Variants in LAMB3 observed in about 807,000 individuals in gnomAD.
LAMB3 encodes the protein laminin subunit beta-3.
Under a neutral mutation model 140.3 loss-of-function variants are expected in LAMB3, and 104 were observed. The observed-to-expected ratio is 0.74, with a 90% CI of 0.63 to 0.87. The LOEUF is 0.87. LAMB3 is among the 40% of genes least tolerant of loss of function. LAMB3 has a pLI of 0.00. For missense variants in LAMB3, 1,531 were observed against 1,575.2 expected, an observed-to-expected ratio of 0.97 and a Z score of 0.47; for synonymous variants, 592 against 602.9, an observed-to-expected ratio of 0.98 and a Z score of 0.26.
In LAMB3 at chr1:209,625,728, C is replaced by T. The variant is rs753621603; in HGVS notation, c.1896G>A (p.Glu632=). ...GGCTGCTGAGAACTGCTCGGATCTG[C>T]TCAATCTTACTCTTTGCATCTAGGA... The part of the protein sequence containing the change: ...SRILDAKSKI[E]QIRAVLSSPA... Residue 632 remains glutamate (E), a synonymous_variant, in exon 14 of 23, where the codon GAG becomes GAA. Coordinates refer to ENST00000356082, the MANE Select transcript of LAMB3 (RefSeq NM_000228.3). 1.2e-6 allele frequency: 2 copies of T among 1,614,158 alleles called. No individual in the cohort carries two copies. The highest frequency in any genetic ancestry group is 1.7e-6 in the Non-Finnish European group (2 of 1,180,026).
Position 209,626,979 on chromosome 1 carries a change from C to T in LAMB3, c.1486-1G>A, listed in dbSNP as rs1418276828. The T allele has an allele frequency of 1.2e-6, 2 of 1,606,134 alleles. No individual in the cohort carries two copies. Among genetic ancestry groups the T allele is most frequent in the Admixed American group, 3.3e-5 (2 of 59,840 alleles). ...CCCGACAGGGGCACTGCCCTGTGAACTGCGTGGGGAGAGCACCGTCAGTGG... is the reference window on the plus strand; with the variant it reads ...CCCGACAGGGGCACTGCCCTGTGAATTGCGTGGGGAGAGCACCGTCAGTGG... On this transcript the variant is annotated splice_acceptor_variant, in intron 12 of 22. Coordinates refer to ENST00000356082, the MANE Select transcript of LAMB3 (RefSeq NM_000228.3). LOFTEE classifies it high-confidence loss of function.
chr1:209,639,388 G>A (rs1173890080), intron 3 of LAMB3, among the ~76,000 whole-genome samples: 2 of 152,148 alleles, frequency 1.3e-5, no homozygotes, highest in African/African-American at 4.8e-5. Flanking sequence ...AGTGACATCT[G>A]GGGCGTGAGG....
intron 18 of LAMB3, among the ~76,000 whole-genome samples, chr1:209,620,631 G>A (rs1666154963): frequency 6.6e-6 from 1 of 152,246 alleles, no homozygotes; most frequent in Non-Finnish European, 1.5e-5. Flanking sequence ...CCACTGCCAA[G>A]CTAGATGCCT....
chr1:209,618,372 C>A, intron 19 of LAMB3, 80 bp downstream of exon 19: 1 of 1,401,210 alleles, frequency 7.1e-7, no homozygotes, highest in Non-Finnish European at 9.9e-7. Context: ...CCCTCTGTAC[C>A]CCTCTCCCAG....
rs2076355 is a variant in LAMB3, at chr1:209,638,484, A to T, written c.298+50T>A. On this transcript the variant is annotated intron_variant, in intron 4 of 22. Coordinates refer to ENST00000356082, the MANE Select transcript of LAMB3 (RefSeq NM_000228.3). ...TTATAGGGCACCTTCCATCCGTCTT[A>T]TCCTGTGGAGGCTGTACAGTTTGAG... is the stretch of plus-strand genomic sequence containing the variant. The T allele has an allele frequency of 0.29, 362,906 of 1,231,534 alleles. 61,159 individuals carry two copies. Among genetic ancestry groups the T allele is most frequent in the East Asian group, 0.71 (30,810 of 43,320 alleles). 76.3% of individuals were successfully genotyped at this position (1,231,534 alleles called of 1,614,324 possible). A position where few individuals can be genotyped will look rare whatever the true frequency, so the allele number is the denominator to read the frequency against.
chr1:209,641,605 A>G (rs1422289858), intron 3 of LAMB3, among the ~76,000 whole-genome samples: 2 of 152,214 alleles, frequency 1.3e-5, no homozygotes, highest in Non-Finnish European at 2.9e-5. Flanking sequence ...GCGAGCCCCA[A>G]GGCCCCAAGA....
intron 3 of LAMB3, among the ~76,000 whole-genome samples, chr1:209,646,510 T>A (rs547493637): frequency 3.3e-4 from 51 of 152,288 alleles, no homozygotes; most frequent in Non-Finnish European, 6.5e-4. Context: ...TCACCCCCAG[T>A]CTGGGGTGAC....
intron 14 of LAMB3, among the ~76,000 whole-genome samples, chr1:209,624,623 T>G (rs1666347947): frequency 6.6e-6 from 1 of 152,176 alleles, no homozygotes; most frequent in African/African-American, 2.4e-5. Context: ...CCTCCATGCC[T>G]GTGTTTCCAA....
chr1:209,629,818 C>T lies in LAMB3; in HGVS notation c.1051G>A (p.Glu351Lys), dbSNP rs114875539. The change falls in exon 10 of 23, where the codon GAA becomes AAA. Residue 351 changes from glutamate to lysine, a missense_variant. Physicochemically the swap from Glu to Lys is moderately conservative, Grantham distance 56. Coordinates refer to ENST00000356082, the MANE Select transcript of LAMB3 (RefSeq NM_000228.3). ...TGACACCGCTCACAGTTCTTGCCTT[C>T]GGTGTGGTCCCGGCAATTGTCACAC... ...GVCDNCRDHT[E>K]GKNCERCQLH... is the part of the protein sequence containing the mutation. 1.4e-3 allele frequency: 2,295 copies of T among 1,614,190 alleles called. 2 individuals carry two copies. The highest frequency in any genetic ancestry group is 1.8e-3 in the Non-Finnish European group (2,110 of 1,180,022).
chr1:209,647,249 A>C (rs958118080), intron 3 of LAMB3, among the ~76,000 whole-genome samples: 1 of 152,230 alleles, frequency 6.6e-6, no homozygotes, highest in Non-Finnish European at 1.5e-5. Flanking sequence ...TGGGTGGAGG[A>C]GGTAACATGC....
At chr1:209,648,852 A>C (rs1405907619) in intron 3 of LAMB3, among the ~76,000 whole-genome samples, 3 of 152,168 alleles carry the variant, frequency 2.0e-5, no homozygotes, top group Non-Finnish European at 4.4e-5. Flanking sequence ...GTTGCCTAAA[A>C]AAAAAAATTT....
intron 12 of LAMB3, 85 bp from the exon 13 acceptor site, chr1:209,627,063 G>T: frequency 9.8e-7 from 1 of 1,022,768 alleles, no homozygotes; most frequent in Non-Finnish European, 1.5e-6. Context: ...TAGATTCCTG[G>T]TCCACAGGTA....
In LAMB3 at chr1:209,627,292, C is replaced by CT. The variant is rs1471696873; in HGVS notation, c.1485+90dup. 5.4e-6 allele frequency: 6 copies of CT among 1,102,452 alleles called. No individual in the cohort carries two copies. In the Admixed American group the frequency reaches 1.2e-4, roughly 23 times the overall value. 68.3% of individuals were successfully genotyped at this position (1,102,452 alleles called of 1,614,324 possible). ...ACGCCCAGTCTGACAGGGGAGAGGC[C>CT]TAGAAGGGCAGCATGGAGGGGCAGC... On this transcript the variant is annotated intron_variant, in intron 12 of 22. Transcript: ENST00000356082.
In LAMB3 at chr1:209,616,727, G is replaced by A; in HGVS notation, c.3229-103C>T. ...CACCCAAATCAATACACAGTGGGAA[G>A]GTGCCTCCTATTAGCCCCCAATAGC... On this transcript the variant is annotated intron_variant, in intron 21 of 22. Coordinates refer to ENST00000356082, the MANE Select transcript of LAMB3 (RefSeq NM_000228.3). The A allele has an allele frequency of 2.6e-6, 3 of 1,163,112 alleles. No homozygotes were observed. In the South Asian group the frequency reaches 3.9e-5, roughly 15 times the overall value. 72.0% of individuals were successfully genotyped at this position (1,163,112 alleles called of 1,614,324 possible).
intron 8 of LAMB3, 38 bp from the exon 9 acceptor site, chr1:209,630,773 AAAG>A: frequency 6.2e-7 from 1 of 1,610,910 alleles, no homozygotes; most frequent in Non-Finnish European, 8.5e-7. Context: ...AGTAATCAAC[AAAG>A]AAGGGCACCA....
Position 209,615,068 on chromosome 1 carries a change from TG to T in LAMB3, c.*202del. 1.7e-6 allele frequency: 1 copy of T among 597,388 alleles called. No individual in the cohort carries two copies. Among genetic ancestry groups the T allele is most frequent in the East Asian group, 2.9e-5 (1 of 34,606 alleles). The allele number at this position is 597,388 out of a possible 1,614,324, so 37.0% of individuals were successfully genotyped here. On this transcript the variant is annotated 3_prime_UTR_variant, in exon 23 of 23. Transcript: ENST00000356082. The stretch of plus-strand genomic sequence containing the variant: ...ATGGCATGCCAATCTCCACCATCTT[TG>T]TCTGTCAAGTGTAACTGTCCCATTG...
rs200151927 is a variant in LAMB3 at position 209,651,876 on chromosome 1, G to GA, written c.-38+492_-38+493insT. Reference sequence around the variant, plus strand: ...AGGGCTGGGGGCTTGGCAAGGCAGGGGCGGGGGGGGAAATTGAGGACATTT... The same window carrying GA: ...AGGGCTGGGGGCTTGGCAAGGCAGGGAGCGGGGGGGGAAATTGAGGACATTT... On this transcript the variant is annotated intron_variant, in intron 1 of 22. Transcript: ENST00000356082. Among the ~76,000 whole-genome samples, 965 of 151,750 alleles carry GA rather than the reference G, an allele frequency of 6.4e-3. 11 individuals carry two copies. The highest frequency in any genetic ancestry group is 0.022 in the African/African-American group (927 of 41,258).
chr1:209,650,885 C>T (rs371961592), intron 2 of LAMB3, 32 bp downstream of exon 2: 160 of 1,611,506 alleles, frequency 9.9e-5, no homozygotes, highest in Non-Finnish European at 1.3e-4. Context: ...TGCCATATAA[C>T]AGGGCCTGGA....
chr1:209,650,933 G>T lies in LAMB3; in HGVS notation c.12C>A (p.Phe4Leu). MRP[F>L]FLLCFALPGL... ...GGTACTTACCAAAACACAAGAGGAA[G>T]AATGGTCTCATCTTCAGCCAATGGG... The change falls in exon 2 of 23, where the codon TTC becomes TTA. Residue 4 changes from phenylalanine (F) to leucine (L), a missense_variant. Phe to Leu is a conservative substitution (Grantham distance 22). Transcript: ENST00000356082. The T allele has an allele frequency of 6.2e-7, 1 of 1,614,194 alleles. No homozygotes were observed. Among genetic ancestry groups the T allele is most frequent in the South Asian group, 1.1e-5 (1 of 91,084 alleles).
Sources: gnomAD v4.1 joint callset for allele counts (sites outside exome capture counted in the v4.1 genomes callset) on GRCh38, gnomAD v4.1.1 for gene constraint, MANE v1.5 for transcripts, NCBI Gene and HGNC (gene_info 2026-07-23, HGNC 2026-07-21) for gene names.